ATP8A2: variants seen among roughly 807,000 people sequenced by gnomAD.
ATP8A2 encodes the protein ATPase phospholipid transporting 8A2.
Under a neutral mutation model 165.6 loss-of-function variants are expected in ATP8A2, and 100 were observed. The observed-to-expected ratio is 0.60, with a 90% CI of 0.51 to 0.71. ATP8A2 has a LOEUF of 0.71. Among genes scored for constraint, ATP8A2 ranks in the 30% least tolerant of loss-of-function variants. The probability of loss-of-function intolerance (pLI) is 0.00; values close to 1 mark genes in which losing one functional copy is unlikely to be tolerated. For missense variants in ATP8A2, 1,227 were observed against 1,479.5 expected, an observed-to-expected ratio of 0.83 and a Z score of 2.80; for synonymous variants, 543 against 548.8, an observed-to-expected ratio of 0.99 and a Z score of 0.15.
At chr13:25,570,024 T>A (rs2039420379) in intron 16 of ATP8A2, among the ~76,000 whole-genome samples, 1 of 152,222 alleles carries the variant, frequency 6.6e-6, no homozygotes, top group Non-Finnish European at 1.5e-5. Context: ...CCACTAGTTA[T>A]GAATGTGCTC....
At chr13:25,436,857 G>A (rs1376134711) in intron 1 of ATP8A2, among the ~76,000 whole-genome samples, 1 of 151,628 alleles carries the variant, frequency 6.6e-6, no homozygotes, top group Non-Finnish European at 1.5e-5. Flanking sequence ...TTCCACTGCA[G>A]CCTCGGCCTC....
intron 33 of ATP8A2, among the ~76,000 whole-genome samples, chr13:25,947,774 A>G (rs953515238): frequency 6.6e-6 from 1 of 152,128 alleles, no homozygotes; most frequent in Non-Finnish European, 1.5e-5. Context: ...TTTGATGTGC[A>G]GCTACGTGGA....
At chr13:25,444,900 A>G (rs532272593) in intron 1 of ATP8A2, among the ~76,000 whole-genome samples, 16 of 152,260 alleles carry the variant, frequency 1.1e-4, no homozygotes, top group African/African-American at 3.4e-4. Context: ...AGCCTCCCGA[A>G]GTGCTGGGAT....
At chr13:25,946,985 T>A (rs1235201660) in intron 33 of ATP8A2, among the ~76,000 whole-genome samples, 2 of 152,156 alleles carry the variant, frequency 1.3e-5, no homozygotes, top group African/African-American at 4.8e-5. Context: ...TGGCCTCAGG[T>A]GATCCACCCA....
At chr13:25,896,839 G>A (rs1953568591) in intron 33 of ATP8A2, among the ~76,000 whole-genome samples, 1 of 152,074 alleles carries the variant, frequency 6.6e-6, no homozygotes, top group Admixed American at 6.5e-5. Flanking sequence ...TGTTTTATCA[G>A]AGACTAGGAT....
chr13:25,974,490 G>A (rs1389517570), intron 35 of ATP8A2, among the ~76,000 whole-genome samples: 1 of 152,116 alleles, frequency 6.6e-6, no homozygotes, highest in East Asian at 1.9e-4. Flanking sequence ...GGGGACTGTA[G>A]TGAGTTCTGA....
intron 1 of ATP8A2, among the ~76,000 whole-genome samples, chr13:25,424,322 T>A (rs2034381982): frequency 6.6e-6 from 1 of 152,218 alleles, no homozygotes; most frequent in Admixed American, 6.5e-5. Context: ...CTTTCTTCTA[T>A]AGCAGATCAT....
At chr13:25,921,461 C>CAAA (rs60085641) in intron 33 of ATP8A2, among the ~76,000 whole-genome samples, 50 of 133,754 alleles carry the variant, frequency 3.7e-4, no homozygotes, top group African/African-American at 1.1e-3. Context: ...GCTAAAAATA[C>CAAA]AAAAAAAAAA....
chr13:25,711,392 A>C (rs1407293639), intron 25 of ATP8A2, among the ~76,000 whole-genome samples: 1 of 152,074 alleles, frequency 6.6e-6, no homozygotes, highest in African/African-American at 2.4e-5. Context: ...GTATGGAATT[A>C]AAGTATTTTG....
At chr13:25,521,293 A>G (rs1217295279) in intron 2 of ATP8A2, among the ~76,000 whole-genome samples, 1 of 152,030 alleles carries the variant, frequency 6.6e-6, no homozygotes, top group Non-Finnish European at 1.5e-5. Context: ...CCCTTGTCAG[A>G]TGGATAGCTT....
chr13:25,467,289 C>A (rs2035694524), intron 1 of ATP8A2, among the ~76,000 whole-genome samples: 1 of 152,208 alleles, frequency 6.6e-6, no homozygotes, highest in Non-Finnish European at 1.5e-5. Flanking sequence ...CCGGAGCCTG[C>A]ACCCACTAGG....
At chr13:25,748,184 A>G (rs1319482990) in intron 25 of ATP8A2, among the ~76,000 whole-genome samples, 3 of 152,250 alleles carry the variant, frequency 2.0e-5, no homozygotes, top group African/African-American at 7.2e-5. Flanking sequence ...AGTTTAAATT[A>G]AGAACAATTT....
chr13:25,966,675 C>G (rs541831074), intron 34 of ATP8A2, among the ~76,000 whole-genome samples: 1 of 152,330 alleles, frequency 6.6e-6, no homozygotes, highest in East Asian at 1.9e-4. Context: ...GTTTCATCCC[C>G]TGAGAGCACG....
chr13:25,506,419 G>A (rs2037037961), intron 2 of ATP8A2, among the ~76,000 whole-genome samples: 1 of 152,178 alleles, frequency 6.6e-6, no homozygotes, highest in African/African-American at 2.4e-5. Flanking sequence ...TGTACCATCT[G>A]GCTGGCCTCC....
intron 34 of ATP8A2, among the ~76,000 whole-genome samples, chr13:25,966,809 C>G (rs1436106088): frequency 6.6e-6 from 1 of 152,232 alleles, no homozygotes; most frequent in Non-Finnish European, 1.5e-5. Flanking sequence ...TTCCCAGTGG[C>G]CAACCTTCCT....
At chr13:25,540,447 C>T (rs1484164070) in intron 8 of ATP8A2, 59 bp downstream of exon 8, 1 of 1,199,366 alleles carries the variant, frequency 8.3e-7, no homozygotes, top group Non-Finnish European at 1.2e-6. Flanking sequence ...AATGTGGTCC[C>T]CACATATCTT....
intron 2 of ATP8A2, among the ~76,000 whole-genome samples, chr13:25,480,489 G>C (rs1482563519): frequency 6.6e-6 from 1 of 150,640 alleles, no homozygotes; most frequent in Admixed American, 6.6e-5. Flanking sequence ...GGTCGCGGCC[G>C]GGCAGAGGCG....
chr13:25,471,563 A>G (rs977502683), intron 2 of ATP8A2, among the ~76,000 whole-genome samples: 1 of 152,178 alleles, frequency 6.6e-6, no homozygotes, highest in Non-Finnish European at 1.5e-5. Context: ...GGCTGGTCTC[A>G]AACTACTGAC....
Position 26,019,856 on chromosome 13 carries a change from T to C in ATP8A2, c.3470-32T>C, listed in dbSNP as rs770650015. 5 of 1,522,078 alleles carry C rather than the reference T, an allele frequency of 3.3e-6. No homozygotes were observed. The South Asian group carries it at 5.6e-5, about 17-fold the overall frequency. The allele number at this position is 1,522,078 out of a possible 1,614,324, so 94.3% of individuals were successfully genotyped here. A position where few individuals can be genotyped will look rare whatever the true frequency, so the allele number is the denominator to read the frequency against. ...TAGTGTGCTCCCCCAATTCTCCTGT[T>C]AACCAGTTTCTCCTGTGTGCTTCAC... On this transcript the variant is annotated intron_variant, in intron 36 of 36. Coordinates refer to ENST00000381655, the MANE Select transcript of ATP8A2 (RefSeq NM_016529.6).
Sources: allele counts gnomAD v4.1 joint callset (sites outside exome capture counted in the v4.1 genomes callset), GRCh38; gene constraint gnomAD v4.1.1; transcripts MANE v1.5; gene names NCBI Gene and HGNC (gene_info 2026-07-23, HGNC 2026-07-21).